The following PDSS2 variants were observed in gnomAD, a reference collection of about 807,000 sequenced individuals.
PDSS2 encodes decaprenyl diphosphate synthase subunit 2.
Under a neutral mutation model 44.5 loss-of-function variants are expected in PDSS2, and 31 were observed. The observed-to-expected ratio is 0.70, with a 90% confidence interval of 0.52 to 0.94. The LOEUF (loss-of-function observed/expected upper bound fraction) is 0.94, where lower values mean the gene tolerates loss of function less well. PDSS2 is among the 40% of genes least tolerant of loss of function. The pLI is 0.00. For synonymous variants in PDSS2, 157 were observed against 180.3 expected, an observed-to-expected ratio of 0.87 and a Z score of 1.03; for missense variants, 452 against 482.2, an observed-to-expected ratio of 0.94 and a Z score of 0.59.
chr6:107,341,399 T>A lies in PDSS2; in HGVS notation c.297-7067A>T, dbSNP rs531074529. Among the ~76,000 whole-genome samples, 10 of 152,326 alleles carry A rather than the reference T, an allele frequency of 6.6e-5. No individual in the cohort carries two copies. The East Asian group carries it at 1.9e-3, about 29-fold the overall frequency. On this transcript the variant is annotated intron_variant, in intron 1 of 7. Coordinates refer to ENST00000369037, the MANE Select transcript of PDSS2 (RefSeq NM_020381.4). The stretch of plus-strand genomic sequence containing the variant: ...TGAATGAGTTCAGTTTTGGACATGT[T>A]AACTTTGAATGCAAGAAGGACTTCC...
intron 1 of PDSS2, among the ~76,000 whole-genome samples, chr6:107,343,428 C>T (rs1202095170): frequency 6.6e-6 from 1 of 152,136 alleles, no homozygotes; most frequent in Non-Finnish European, 1.5e-5. Flanking sequence ...CAAGGTGCAA[C>T]TGTAGTTTTT....
At position 107,344,027 on chromosome 6, in the gene PDSS2, T is replaced by C. The variant is rs550439980; in HGVS notation, c.297-9695A>G. Among the ~76,000 whole-genome samples the C allele has an allele frequency of 2.6e-5, 4 of 152,304 alleles. No homozygotes were observed. The East Asian group carries it at 5.8e-4, about 22-fold the overall frequency. On this transcript the variant is annotated intron_variant, in intron 1 of 7. Coordinates refer to ENST00000369037, the MANE Select transcript of PDSS2 (RefSeq NM_020381.4). ...TTCTAAGAAGACAAATGACTTAGTATATTATAGTTGTGTTTCTAACTTGAA... is the reference window on the plus strand; with the variant it reads ...TTCTAAGAAGACAAATGACTTAGTACATTATAGTTGTGTTTCTAACTTGAA...
chr6:107,432,104 A>C (rs1781209945), intron 1 of PDSS2, among the ~76,000 whole-genome samples: 2 of 152,256 alleles, frequency 1.3e-5, no homozygotes, highest in South Asian at 2.1e-4. Flanking sequence ...TCTGATTTCC[A>C]AACCTACTAC....
chr6:107,186,533 G>A (rs1772171554), intron 7 of PDSS2, among the ~76,000 whole-genome samples: 2 of 152,048 alleles, frequency 1.3e-5, no homozygotes, highest in African/African-American at 4.8e-5. Context: ...GAACGTGCAG[G>A]TTTGTTACAC....
At chr6:107,365,781 A>G (rs1778942888) in intron 1 of PDSS2, among the ~76,000 whole-genome samples, 1 of 152,198 alleles carries the variant, frequency 6.6e-6, no homozygotes, top group African/African-American at 2.4e-5. Context: ...GGAGACAATG[A>G]AGGACATTTC....
chr6:107,409,947 T>G (rs566141366), intron 1 of PDSS2, among the ~76,000 whole-genome samples: 1 of 152,160 alleles, frequency 6.6e-6, no homozygotes, highest in Admixed American at 6.5e-5. Context: ...AATAACATTC[T>G]ATACAGATCA....
rs186368682 is a variant in PDSS2 at position 107,217,083 on chromosome 6, A to G, written c.703-4801T>C. On this transcript the variant is annotated intron_variant, in intron 4 of 7. Coordinates refer to ENST00000369037, the MANE Select transcript of PDSS2 (RefSeq NM_020381.4). ...ATAAACTCTAAATGGCAAAAACAGC[A>G]AAACCACCACAAAACCACGGGCAAT... is the stretch of plus-strand genomic sequence containing the variant. Among the ~76,000 whole-genome samples, 198 of 152,346 alleles carry G rather than the reference A, an allele frequency of 1.3e-3. 1 individual carries two copies. The highest frequency in any genetic ancestry group is 4.6e-3 in the African/African-American group (193 of 41,582).
intron 2 of PDSS2, among the ~76,000 whole-genome samples, chr6:107,289,207 T>C (rs1776262200): frequency 6.6e-6 from 1 of 151,072 alleles, no homozygotes. Flanking sequence ...ACCCCATCTC[T>C]ACTAAAAATA....
chr6:107,207,469 G>A (rs753444911), intron 6 of PDSS2, among the ~76,000 whole-genome samples: 5 of 152,136 alleles, frequency 3.3e-5, no homozygotes, highest in Non-Finnish European at 7.4e-5. Context: ...AGGGTGGAAT[G>A]TCTCTCCTAG....
intron 4 of PDSS2, among the ~76,000 whole-genome samples, chr6:107,227,662 G>A (rs1773881100): frequency 6.6e-6 from 1 of 152,188 alleles, no homozygotes; most frequent in East Asian, 1.9e-4. Context: ...TCTGGTGAAG[G>A]TGGTGGTACG....
chr6:107,265,864 C>G (rs567824211), intron 3 of PDSS2, among the ~76,000 whole-genome samples: 1 of 152,036 alleles, frequency 6.6e-6, no homozygotes, highest in Admixed American at 6.6e-5. Context: ...CACTTGAACC[C>G]GAGAGGCGGA....
chr6:107,314,155 T>C (rs1159301066), intron 2 of PDSS2, among the ~76,000 whole-genome samples: 3 of 152,106 alleles, frequency 2.0e-5, no homozygotes, highest in Non-Finnish European at 4.4e-5. Context: ...TATAGTATTA[T>C]GGATGTTATA....
At chr6:107,289,877 C>T (rs376373758) in intron 2 of PDSS2, among the ~76,000 whole-genome samples, 1 of 152,134 alleles carries the variant, frequency 6.6e-6, no homozygotes, top group Non-Finnish European at 1.5e-5. Context: ...TTCTCCTGGG[C>T]TCAAGCAATC....
At chr6:107,192,227 T>C (rs1325310895) in intron 7 of PDSS2, 2 of 315,520 alleles carry the variant, frequency 6.3e-6, no homozygotes, top group African/African-American at 4.5e-5. Flanking sequence ...GTGGCAGATA[T>C]GGAAGCCCTT....
At chr6:107,450,832 C>G (rs58558730) in intron 1 of PDSS2, among the ~76,000 whole-genome samples, 16,548 of 152,110 alleles carry the variant, frequency 0.11, 1,075 homozygotes, top group African/African-American at 0.18. Flanking sequence ...ACTGATTGAT[C>G]AATCAACTGA....
intron 1 of PDSS2, among the ~76,000 whole-genome samples, chr6:107,337,284 T>C (rs1777935639): frequency 1.3e-5 from 2 of 152,092 alleles, no homozygotes; most frequent in Admixed American, 6.5e-5. Context: ...CCATACCTGG[T>C]AGGTGGCAGA....
chr6:107,260,959 G>C (rs1194502427), intron 3 of PDSS2, among the ~76,000 whole-genome samples: 2 of 151,930 alleles, frequency 1.3e-5, no homozygotes, highest in African/African-American at 4.8e-5. Context: ...ATCGCGCCTG[G>C]CCCCCCCTCC....
chr6:107,192,361 C>A, intron 7 of PDSS2: 1 of 512,378 alleles, frequency 2.0e-6, no homozygotes, highest in Non-Finnish European at 4.0e-6. Flanking sequence ...CCAAAAGCTG[C>A]AGAGTCTGAG....
intron 1 of PDSS2, among the ~76,000 whole-genome samples, chr6:107,425,108 A>C (rs891690549): frequency 6.6e-6 from 1 of 152,096 alleles, no homozygotes; most frequent in African/African-American, 2.4e-5. Flanking sequence ...ATTGCCTTCC[A>C]CCATGATTGT....
Sources: gnomAD v4.1 joint callset for allele counts (sites outside exome capture counted in the v4.1 genomes callset) on GRCh38, gnomAD v4.1.1 for gene constraint, MANE v1.5 for transcripts, NCBI Gene and HGNC (gene_info 2026-07-23, HGNC 2026-07-21) for gene names.